Variants in GALNT10 observed in about 807,000 individuals in gnomAD.
GALNT10 encodes GalNAc transferase 10.
A neutral mutation model predicts 75.0 loss-of-function variants in GALNT10; 41 were observed. The ratio of observed to expected loss-of-function variants is 0.55; its 90% confidence interval spans 0.43 to 0.71. GALNT10 has a LOEUF of 0.71. GALNT10 is among the 30% of genes least tolerant of loss of function. GALNT10 has a pLI of 0.00. For synonymous variants in GALNT10, 302 were observed against 313.0 expected (o/e 0.96, Z 0.37); for missense variants, 727 against 818.5 (o/e 0.89, Z 1.36).
intron 7 of GALNT10, among the ~76,000 whole-genome samples, chr5:154,393,528 C>T (rs79040911): frequency 2.8e-3 from 428 of 152,202 alleles, no homozygotes; most frequent in Non-Finnish European, 5.0e-3. Context: ...CTTCTGTAAC[C>T]AGGAAAAGTT....
chr5:154,355,406 C>T (rs958850589), intron 4 of GALNT10, among the ~76,000 whole-genome samples: 2 of 152,240 alleles, frequency 1.3e-5, no homozygotes, highest in Non-Finnish European at 2.9e-5. Context: ...GCCCTCTCTT[C>T]CCTGGAGGTC....
chr5:154,226,085 T>C (rs1753060051), intron 1 of GALNT10, among the ~76,000 whole-genome samples: 2 of 151,516 alleles, frequency 1.3e-5, no homozygotes, highest in African/African-American at 4.9e-5. Flanking sequence ...TATATATATG[T>C]AACAGACCTG....
Position 154,298,037 on chromosome 5 carries a change from A to T in GALNT10, c.359A>T (p.Lys120Ile). Residue 120 changes from lysine to isoleucine, a missense_variant, in exon 3 of 12, where the codon AAA (lysine) becomes ATA (isoleucine). Coordinates refer to ENST00000297107, the MANE Select transcript of GALNT10 (RefSeq NM_198321.4). The surrounding 1 kb of genome is among the most constrained non-coding windows in gnomAD (Gnocchi z 4.1). The part of the protein sequence containing the change: ...ENGFNIYVSD[K>I]ISLNRSLPDI... ...GGATTTAACATCTACGTCAGTGATA[A>T]AATCTCCTTGAATCGCTCTCTCCCA... 6.2e-7 allele frequency: 1 copy of T among 1,613,606 alleles called. No individual in the cohort carries two copies. The highest frequency in any genetic ancestry group is 8.5e-7 in the Non-Finnish European group (1 of 1,179,534).
At chr5:154,295,348 C>T (rs1256198847) in intron 2 of GALNT10, among the ~76,000 whole-genome samples, 2 of 152,174 alleles carry the variant, frequency 1.3e-5, no homozygotes, top group African/African-American at 2.4e-5. Flanking sequence ...TGGAAATTTC[C>T]TCTGTGAAAC....
chr5:154,375,870 A>G (rs1012067430), intron 4 of GALNT10, among the ~76,000 whole-genome samples: 1 of 152,214 alleles, frequency 6.6e-6, no homozygotes, highest in Non-Finnish European at 1.5e-5. Flanking sequence ...GGTCAGGCCT[A>G]TACTACATGT....
At chr5:154,272,115 C>T (rs1303195313) in intron 1 of GALNT10, among the ~76,000 whole-genome samples, 2 of 152,146 alleles carry the variant, frequency 1.3e-5, no homozygotes, top group Non-Finnish European at 2.9e-5. Context: ...TGCAGGCGGC[C>T]CCTCTGTTAG....
At chr5:154,334,737 A>G (rs1754916871) in intron 4 of GALNT10, among the ~76,000 whole-genome samples, 1 of 152,220 alleles carries the variant, frequency 6.6e-6, no homozygotes, top group Non-Finnish European at 1.5e-5. Flanking sequence ...AAACACATGT[A>G]GGAAATGGTT....
intron 7 of GALNT10, among the ~76,000 whole-genome samples, chr5:154,397,425 G>C (rs1448456423): frequency 6.6e-6 from 1 of 152,154 alleles, no homozygotes; most frequent in Non-Finnish European, 1.5e-5. Context: ...AGCTCACGGT[G>C]TCCTCTGAGC....
At chr5:154,291,753 A>G (rs1754198423) in intron 1 of GALNT10, among the ~76,000 whole-genome samples, 1 of 152,156 alleles carries the variant, frequency 6.6e-6, no homozygotes, top group Non-Finnish European at 1.5e-5. Flanking sequence ...CCTAGTCCTC[A>G]TAGTTTCTAA....
intron 3 of GALNT10, among the ~76,000 whole-genome samples, chr5:154,324,437 G>T (rs1236075977): frequency 6.6e-6 from 1 of 152,192 alleles, no homozygotes; most frequent in Non-Finnish European, 1.5e-5. Context: ...TGGGCCAGGG[G>T]CTCACATGCA....
chr5:154,345,234 C>T (rs1246438652), intron 4 of GALNT10, among the ~76,000 whole-genome samples: 3 of 152,008 alleles, frequency 2.0e-5, no homozygotes, highest in Non-Finnish European at 4.4e-5. Context: ...TATATATATA[C>T]ATTGTGAAGT....
chr5:154,320,490 C>T (rs1385865292), intron 3 of GALNT10, among the ~76,000 whole-genome samples: 1 of 152,186 alleles, frequency 6.6e-6, no homozygotes, highest in Non-Finnish European at 1.5e-5. Flanking sequence ...CGCCCCCAAC[C>T]CTGCTTCAAT....
At chr5:154,356,022 A>G (rs1755285297) in intron 4 of GALNT10, 1 of 418,364 alleles carries the variant, frequency 2.4e-6, no homozygotes, top group African/African-American at 2.0e-5. Flanking sequence ...CATGACAGAG[A>G]GAGCCTTCAT....
chr5:154,272,944 G>A (rs1362162643), intron 1 of GALNT10, among the ~76,000 whole-genome samples: 2 of 19,010 alleles, frequency 1.1e-4, no homozygotes, highest in African/African-American at 2.7e-4. Context: ...TACTCTAGAC[G>A]GTAGGAAATG....
rs1756531505 is a variant in GALNT10, at chr5:154,417,152, T to C, written c.*180T>C. The C allele has an allele frequency of 1.3e-5, 8 of 606,178 alleles. 1 individual carries two copies. The highest frequency in any genetic ancestry group is 2.0e-5 in the Non-Finnish European group (7 of 342,318). 37.5% of individuals were successfully genotyped at this position (606,178 alleles called of 1,614,324 possible). A position where few individuals can be genotyped will look rare whatever the true frequency, so the allele number is the denominator to read the frequency against. ...GCCTGGTCCTTGAGCCCCTGAGTTGTGGGGGTAGGGTGAAGAGCATATCCC... is the reference window on the plus strand; with the variant it reads ...GCCTGGTCCTTGAGCCCCTGAGTTGCGGGGGTAGGGTGAAGAGCATATCCC... On this transcript the variant is annotated 3_prime_UTR_variant, in exon 12 of 12. Coordinates refer to ENST00000297107, the MANE Select transcript of GALNT10 (RefSeq NM_198321.4).
chr5:154,376,221 A>C lies in GALNT10; in HGVS notation c.569-56A>C, dbSNP rs1755649837. ...GCAGTTCACATGTAAGGGAGGAGTC[A>C]TAAGGATGACTACTAAGCAACTGTT... On this transcript the variant is annotated intron_variant, in intron 4 of 11. Transcript: ENST00000297107. The surrounding 1 kb of genome is among the most constrained non-coding windows in gnomAD (Gnocchi z 4.1). The C allele has an allele frequency of 1.7e-6, 2 of 1,155,126 alleles. No homozygotes were observed. The highest frequency in any genetic ancestry group is 4.7e-5 in the East Asian group (2 of 42,252). 71.6% of individuals were successfully genotyped at this position (1,155,126 alleles called of 1,614,324 possible).
intron 10 of GALNT10, among the ~76,000 whole-genome samples, chr5:154,415,345 T>C (rs1756482267): frequency 1.1e-5 from 1 of 94,254 alleles, no homozygotes; most frequent in African/African-American, 3.8e-5. Flanking sequence ...TGGTAACTTA[T>C]TTTTTTTTTT....
intron 4 of GALNT10, among the ~76,000 whole-genome samples, chr5:154,345,800 G>A (rs1755112791): frequency 1.0e-5 from 1 of 99,868 alleles, no homozygotes; most frequent in African/African-American, 3.0e-5. Context: ...TACACCCGGC[G>A]AATTTTTTTT....
intron 4 of GALNT10, among the ~76,000 whole-genome samples, chr5:154,359,182 TG>T (rs1755343761): frequency 6.6e-6 from 1 of 152,150 alleles, no homozygotes; most frequent in Admixed American, 6.5e-5. Context: ...ATTAACGCCA[TG>T]GTAAACGCAC....
Sources: gnomAD v4.1 joint callset for allele counts (sites outside exome capture counted in the v4.1 genomes callset) on GRCh38, gnomAD v4.1.1 for gene constraint, Gnocchi (gnomAD v3.1) non-coding constraint, MANE v1.5 for transcripts, NCBI Gene and HGNC (gene_info 2026-07-23, HGNC 2026-07-21) for gene names.